Variants in PTPRT observed in about 807,000 individuals in gnomAD.
PTPRT encodes receptor-type tyrosine-protein phosphatase T.
In PTPRT, 56 loss-of-function variants were observed where a neutral mutation model predicts 176.8. That is an observed-to-expected ratio of 0.32 (90% confidence interval 0.26 to 0.40). The LOEUF is 0.40. Ranked by LOEUF, PTPRT falls within the 10% of genes least tolerant of loss-of-function variation. The pLI is 1.00. For synonymous variants in PTPRT, 783 were observed against 739.0 expected (o/e 1.06, Z -0.96); for missense variants, 1,540 against 1,908.2 (o/e 0.81, Z 3.60).
intron 27 of PTPRT, among the ~76,000 whole-genome samples, chr20:42,092,715 A>C (rs2146175097): frequency 6.6e-6 from 1 of 152,310 alleles, no homozygotes; most frequent in Non-Finnish European, 1.5e-5. Context: ...CCCAGACTAA[A>C]AATGGGGATA....
intron 1 of PTPRT, among the ~76,000 whole-genome samples, chr20:42,996,982 G>GA (rs746462526): frequency 1.4e-4 from 22 of 152,146 alleles, no homozygotes; most frequent in Non-Finnish European, 2.5e-4. Context: ...TAGTGGTGAA[G>GA]AATGTGTACT....
chr20:42,883,218 A>C (rs115609364), intron 2 of PTPRT, among the ~76,000 whole-genome samples: 1 of 152,200 alleles, frequency 6.6e-6, no homozygotes, highest in Non-Finnish European at 1.5e-5. Flanking sequence ...AGAATGGATT[A>C]AAGTCCAAAG....
At chr20:43,076,746 G>T (rs573553159) in intron 1 of PTPRT, among the ~76,000 whole-genome samples, 1 of 152,210 alleles carries the variant, frequency 6.6e-6, no homozygotes, top group East Asian at 1.9e-4. Flanking sequence ...CAAGGTAAAG[G>T]CTTTCAGGAG....
chr20:42,089,111 A>AGT (rs112894271), intron 27 of PTPRT, among the ~76,000 whole-genome samples: 5,087 of 148,578 alleles, frequency 0.034, 167 homozygotes, highest in African/African-American at 0.081. Flanking sequence ...AGTGTGTGTG[A>AGT]GTGTGTGTGT....
At chr20:42,852,423 A>G (rs1277025498) in intron 2 of PTPRT, among the ~76,000 whole-genome samples, 1 of 152,130 alleles carries the variant, frequency 6.6e-6, no homozygotes, top group Non-Finnish European at 1.5e-5. Context: ...ATATATTACA[A>G]TTTAAAAACT....
chr20:42,121,490 G>A (rs919721854), intron 19 of PTPRT, among the ~76,000 whole-genome samples: 6 of 152,194 alleles, frequency 3.9e-5, no homozygotes, highest in Middle Eastern at 3.4e-3. Context: ...AACCAACTAG[G>A]CAGGCAACAC....
chr20:43,151,070 G>T (rs2014334216), intron 1 of PTPRT, among the ~76,000 whole-genome samples: 1 of 152,018 alleles, frequency 6.6e-6, no homozygotes, highest in Non-Finnish European at 1.5e-5. Context: ...ACTTTGGGAG[G>T]CCTAGGAGGG....
At position 42,582,975 on chromosome 20, in the gene PTPRT, G is replaced by A. The variant is rs186699685; in HGVS notation, c.1153+94891C>T. Among the ~76,000 whole-genome samples the A allele has an allele frequency of 1.6e-3, 247 of 152,236 alleles. No homozygotes were observed. The South Asian group carries it at 0.019, about 12-fold the overall frequency. ...AGAGATGACAGACTTGGTCCCATCG[G>A]CAAACTCTTTACAGACAAAAAATCC... On this transcript the variant is annotated intron_variant, in intron 7 of 30. Coordinates refer to ENST00000373187, the MANE Select transcript of PTPRT (RefSeq NM_007050.6).
intron 1 of PTPRT, among the ~76,000 whole-genome samples, chr20:43,112,418 C>T (rs564334537): frequency 2.0e-5 from 3 of 152,236 alleles, no homozygotes; most frequent in Admixed American, 6.5e-5. Flanking sequence ...TACCTGCTTT[C>T]AAAACCAGAG....
intron 5 of PTPRT, among the ~76,000 whole-genome samples, chr20:42,765,906 G>T (rs2076976511): frequency 6.6e-6 from 1 of 151,810 alleles, no homozygotes; most frequent in Admixed American, 6.6e-5. Context: ...CCAGCCTTTT[G>T]TCCTACTGAA....
intron 7 of PTPRT, among the ~76,000 whole-genome samples, chr20:42,536,270 T>C (rs1404549385): frequency 6.6e-6 from 1 of 152,190 alleles, no homozygotes; most frequent in African/African-American, 2.4e-5. Flanking sequence ...CTATACATTA[T>C]CTCCTTTAAT....
intron 9 of PTPRT, among the ~76,000 whole-genome samples, chr20:42,353,442 T>G (rs1300291261): frequency 1.3e-5 from 2 of 152,210 alleles, no homozygotes; most frequent in East Asian, 3.9e-4. Context: ...AGATAGTTTG[T>G]CTATGGTATA....
intron 7 of PTPRT, among the ~76,000 whole-genome samples, chr20:42,619,744 G>A (rs1247122267): frequency 1.5e-5 from 2 of 133,898 alleles, no homozygotes; most frequent in Non-Finnish European, 3.1e-5. Flanking sequence ...GGCTCCTGAG[G>A]CTTCTGCATT....
chr20:42,350,214 GTTTTTTTT>G (rs764181357), intron 11 of PTPRT, among the ~76,000 whole-genome samples: 2 of 58,290 alleles, frequency 3.4e-5, no homozygotes, highest in Non-Finnish European at 6.6e-5. Context: ...GATGTTTCTT[GTTTTTTTT>G]TTTTTTTTTT....
intron 9 of PTPRT, among the ~76,000 whole-genome samples, chr20:42,421,804 A>T (rs1025748058): frequency 6.6e-6 from 1 of 152,148 alleles, no homozygotes; most frequent in Non-Finnish European, 1.5e-5. Context: ...TTCAAACTAT[A>T]CCACAGGGCT....
chr20:42,230,138 T>C (rs2146830578), intron 15 of PTPRT, among the ~76,000 whole-genome samples: 1 of 152,296 alleles, frequency 6.6e-6, no homozygotes, highest in Admixed American at 6.5e-5. Context: ...GTGTTTGATC[T>C]GGACTTTGAA....
At chr20:42,804,849 G>A (rs758339321) in intron 2 of PTPRT, among the ~76,000 whole-genome samples, 7 of 152,086 alleles carry the variant, frequency 4.6e-5, no homozygotes, top group Non-Finnish European at 1.0e-4. Flanking sequence ...CATTTGTTAA[G>A]GAAAAAACAC....
chr20:42,636,015 G>A (rs2074590323), intron 7 of PTPRT, among the ~76,000 whole-genome samples: 1 of 152,136 alleles, frequency 6.6e-6, no homozygotes, highest in Non-Finnish European at 1.5e-5. Flanking sequence ...CCGAGTTAAT[G>A]CTGAATATAT....
At chr20:43,053,148 T>G (rs1279307242) in intron 1 of PTPRT, among the ~76,000 whole-genome samples, 1 of 152,166 alleles carries the variant, frequency 6.6e-6, no homozygotes, top group Non-Finnish European at 1.5e-5. Context: ...CCAAAACACG[T>G]ATGACTTAAT....
Sources: allele counts gnomAD v4.1 joint callset (sites outside exome capture counted in the v4.1 genomes callset), GRCh38; gene constraint gnomAD v4.1.1; transcripts MANE v1.5; gene names NCBI Gene and HGNC (gene_info 2026-07-23, HGNC 2026-07-21).